Variants in ITPR3 observed in about 807,000 individuals in gnomAD.
ITPR3 encodes the protein inositol 1,4,5-trisphosphate receptor type 3.
Under a neutral mutation model 293.2 loss-of-function variants are expected in ITPR3, and 173 were observed. The ratio of observed to expected loss-of-function variants is 0.59; its 90% CI spans 0.52 to 0.67. The LOEUF (loss-of-function observed/expected upper bound fraction) is 0.67, where lower values mean the gene tolerates loss of function less well. Ranked by LOEUF, ITPR3 falls within the 30% of genes least tolerant of loss-of-function variation. The pLI, the probability that ITPR3 is intolerant of heterozygous loss-of-function variation, is 0.00. For synonymous variants in ITPR3, 1,295 were observed against 1,444.4 expected, an observed-to-expected ratio of 0.90 and a Z score of 2.35; for missense variants, 2,796 against 3,592.1, an observed-to-expected ratio of 0.78 and a Z score of 5.66.
intron 51 of ITPR3, 80 bp from the exon 52 acceptor site, chr6:33,690,837 A>G (rs557030981): frequency 1.5e-6 from 2 of 1,326,462 alleles, no homozygotes; most frequent in Non-Finnish European, 2.1e-6. Context: ...GGCAGCCCTC[A>G]GGGTTCCAGT....
Position 33,684,573 on chromosome 6 carries a change from G to C in ITPR3, c.5047-25G>C, listed in dbSNP as rs1765171441. 6.2e-7 allele frequency: 1 copy of C among 1,612,676 alleles called. No homozygotes were observed. Among genetic ancestry groups the C allele is most frequent in the East Asian group, 2.2e-5 (1 of 44,870 alleles). On this transcript the variant is annotated intron_variant, in intron 37 of 57. Transcript: ENST00000605930. This position sits in a 1 kb window ranked among gnomAD's most constrained non-coding sequence, Gnocchi z 4.2. Reference sequence around the variant, plus strand: ...TCAGTGGTGGGCTGTACCCACAATGGGGCCTCACTCCCATCCTCCCCCAGG... The same window carrying C: ...TCAGTGGTGGGCTGTACCCACAATGCGGCCTCACTCCCATCCTCCCCCAGG...
chr6:33,653,713 G>T (rs557090912), intron 2 of ITPR3, among the ~76,000 whole-genome samples: 1 of 152,316 alleles, frequency 6.6e-6, no homozygotes, highest in African/African-American at 2.4e-5. Context: ...AATCTCTGTG[G>T]TGCAGGCGTC....
Position 33,678,552 on chromosome 6 carries a change from G to T in ITPR3, c.3771+9G>T, listed in dbSNP as rs752143991. The T allele has an allele frequency of 6.2e-7, 1 of 1,600,178 alleles. No homozygotes were observed. Among genetic ancestry groups the T allele is most frequent in the East Asian group, 2.3e-5 (1 of 44,340 alleles). ...TCTTCCTCACGCCAGGGGTGAGGGT[G>T]CAGGGCTGGGAGCACCTGGACGAGG... On this transcript the variant is annotated intron_variant, in intron 29 of 57. Transcript: ENST00000605930.
chr6:33,673,757 G>A (rs770802736), intron 23 of ITPR3, 37 bp downstream of exon 23: 120 of 1,610,574 alleles, frequency 7.5e-5, no homozygotes, highest in Non-Finnish European at 9.0e-5. Flanking sequence ...GAGGCTGTGC[G>A]ACTCTCCCAG....
At chr6:33,668,713 G>C (rs1764679145) in intron 17 of ITPR3, 79 bp downstream of exon 17, 1 of 1,593,890 alleles carries the variant, frequency 6.3e-7, no homozygotes, top group Non-Finnish European at 8.6e-7. Context: ...GCCCTGTCTG[G>C]GTTCAGGCTG....
chr6:33,658,102 C>T lies in ITPR3; in HGVS notation c.369+84C>T, dbSNP rs1764359162. The T allele has an allele frequency of 3.4e-6, 4 of 1,193,744 alleles. No homozygotes were observed. Among genetic ancestry groups the T allele is most frequent in the Non-Finnish European group, 4.9e-6 (4 of 815,672 alleles). The allele number at this position is 1,193,744 out of a possible 1,614,324, so 73.9% of individuals were successfully genotyped here. ...GTGCTGGGTGAGGGCTGCCAGCAGG[C>T]ATTGCCCTCTGTGCATGTGTGTCCC... On this transcript the variant is annotated intron_variant, in intron 4 of 57. Coordinates refer to ENST00000605930, the MANE Select transcript of ITPR3 (RefSeq NM_002224.4). This position sits in a 1 kb window ranked among gnomAD's most constrained non-coding sequence, Gnocchi z 6.1.
Position 33,695,795 on chromosome 6 carries a change from G to T in ITPR3, c.*15G>T, listed in dbSNP as rs771360960. 3.7e-6 allele frequency: 6 copies of T among 1,613,320 alleles called. No homozygotes were observed. Among genetic ancestry groups the T allele is most frequent in the Non-Finnish European group, 5.1e-6 (6 of 1,179,380 alleles). On this transcript the variant is annotated 3_prime_UTR_variant, in exon 58 of 58. Transcript: ENST00000605930. The stretch of plus-strand genomic sequence containing the variant: ...TTAGCCGCTGAGGAGAGCCACCGAA[G>T]GCCCCAACAGGGGATGCTCATCACT...
chr6:33,657,026 G>T (rs1764325304), intron 3 of ITPR3, among the ~76,000 whole-genome samples: 3 of 152,238 alleles, frequency 2.0e-5, no homozygotes, highest in Non-Finnish European at 4.4e-5. Context: ...TGGCCTGGGG[G>T]GAGGGCATTC....
At chr6:33,659,641 G>A in intron 7 of ITPR3, 92 bp downstream of exon 7, 2 of 1,082,206 alleles carry the variant, frequency 1.8e-6, no homozygotes, top group Non-Finnish European at 2.8e-6. Flanking sequence ...CCAGGCCTCA[G>A]GCCCTTACCC....
At position 33,655,477 on chromosome 6, in the gene ITPR3, G is replaced by C. The variant is rs953917753; in HGVS notation, c.161-289G>C. On this transcript the variant is annotated intron_variant, in intron 2 of 57. Coordinates refer to ENST00000605930, the MANE Select transcript of ITPR3 (RefSeq NM_002224.4). The surrounding 1 kb of genome is among the most constrained non-coding windows in gnomAD (Gnocchi z 4.9). ...GGGCACAGACATGGCATAAGGGTGA[G>C]GCCCCAGCAGCCTCTGGTAAATCTC... 2.6e-5 allele frequency among the ~76,000 whole-genome samples: 4 copies of C among 152,172 alleles called. No individual in the cohort carries two copies. Among genetic ancestry groups the C allele is most frequent in the African/African-American group, 9.7e-5 (4 of 41,450 alleles).
rs768879198 is a variant in ITPR3, at chr6:33,667,186, C to T, written c.1609C>T (p.Arg537Trp). The T allele has an allele frequency of 1.5e-5, 24 of 1,614,006 alleles. No individual in the cohort carries two copies. Among genetic ancestry groups the T allele is most frequent in the South Asian group, 2.2e-5 (2 of 91,092 alleles). The change falls in exon 15 of 58, where the codon CGG (arginine) becomes TGG (tryptophan). Residue 537 changes from arginine (R) to tryptophan (W), a missense_variant. By Grantham distance (101) the Arg-to-Trp change is moderately radical (BLOSUM62 -3). Transcript: ENST00000605930. The surrounding 1 kb of genome is among the most constrained non-coding windows in gnomAD (Gnocchi z 4.4). ...REKGGEGPLV[R>W]LEELSDQKNA... The stretch of plus-strand genomic sequence containing the variant: ...GAAGGGGGGTGAAGGTCCCCTGGTG[C>T]GGCTGGAGGAGCTGTCAGACCAGAA...
At position 33,693,577 on chromosome 6, in the gene ITPR3, G is replaced by A. The variant is rs571138950; in HGVS notation, c.7657G>A (p.Val2553Met). 2 of 1,614,194 alleles carry A rather than the reference G, an allele frequency of 1.2e-6. No homozygotes were observed. Among genetic ancestry groups the A allele is most frequent in the South Asian group, 1.1e-5 (1 of 91,088 alleles). ...LERDKFDNKT[V>M]SFEEHIKLEH... The stretch of plus-strand genomic sequence containing the variant: ...GAGGGACAAGTTTGATAACAAGACA[G>A]TGTCATTTGAGGAACACATCAAGCT... The change falls in exon 56 of 58, where the codon GTG (valine) becomes ATG (methionine). Residue 2553 changes from valine to methionine, a missense_variant. Coordinates refer to ENST00000605930, the MANE Select transcript of ITPR3 (RefSeq NM_002224.4).
intron 22 of ITPR3, 121 bp from the exon 23 acceptor site, chr6:33,673,470 C>G: frequency 7.7e-7 from 1 of 1,292,662 alleles, no homozygotes; most frequent in Non-Finnish European, 1.1e-6. Context: ...ACCCTGCTGC[C>G]CCAAGTGCTA....
At position 33,621,501 on chromosome 6, in the gene ITPR3, G is replaced by A; in HGVS notation, c.-102G>A. ...CCGAGCGTCGGGATCCGAGGTGGGA[G>A]CGTACCCCTCCCCGCTCCCCGGACG... On this transcript the variant is annotated 5_prime_UTR_variant, in exon 1 of 58. Coordinates refer to ENST00000605930, the MANE Select transcript of ITPR3 (RefSeq NM_002224.4). The surrounding 1 kb of genome is among the most constrained non-coding windows in gnomAD (Gnocchi z 7.7). The A allele has an allele frequency of 1.3e-6, 1 of 793,170 alleles. No individual in the cohort carries two copies. Among genetic ancestry groups the A allele is most frequent in the Non-Finnish European group, 2.1e-6 (1 of 481,952 alleles). 49.1% of individuals were successfully genotyped at this position (793,170 alleles called of 1,614,324 possible). A position where few individuals can be genotyped will look rare whatever the true frequency, so the allele number is the denominator to read the frequency against.
At chr6:33,636,534 G>A (rs935101848) in intron 1 of ITPR3, among the ~76,000 whole-genome samples, 1 of 151,948 alleles carries the variant, frequency 6.6e-6, no homozygotes, top group Non-Finnish European at 1.5e-5. Flanking sequence ...TAGGTGTGAG[G>A]TGTGAGTGGA....
In ITPR3 at chr6:33,674,246, G is replaced by A; in HGVS notation, c.3097G>A (p.Glu1033Lys). 1 of 1,614,136 alleles carries A rather than the reference G, an allele frequency of 6.2e-7. No homozygotes were observed. Among genetic ancestry groups the A allele is most frequent in the Non-Finnish European group, 8.5e-7 (1 of 1,180,000 alleles). Residue 1033 changes from glutamate to lysine, a missense_variant, in exon 24 of 58, where the codon GAG becomes AAG. Transcript: ENST00000605930. Reference sequence around the variant, plus strand: ...CCTGGATCGCATCGGGGAGCAGGCGGAGGCCATGTTTGGAGTGGGGTGAGG... The same window carrying A: ...CCTGGATCGCATCGGGGAGCAGGCGAAGGCCATGTTTGGAGTGGGGTGAGG... ...MNLDRIGEQA[E>K]AMFGVGKTSS... is the part of the protein sequence containing the mutation.
chr6:33,630,174 G>A (rs1253512294), intron 1 of ITPR3, among the ~76,000 whole-genome samples: 1 of 152,150 alleles, frequency 6.6e-6, no homozygotes, highest in Non-Finnish European at 1.5e-5. Flanking sequence ...ATCTAAAACA[G>A]CGCCCCGCCC....
Position 33,671,427 on chromosome 6 carries a change from C to T in ITPR3, c.2728+121C>T, listed in dbSNP as rs1764762938. ...TTCCCCCCACCCAACCTGGCTCTGCCTCAAGGGGATATCTTGGGCCCAAGC... is the reference window on the plus strand; with the variant it reads ...TTCCCCCCACCCAACCTGGCTCTGCTTCAAGGGGATATCTTGGGCCCAAGC... On this transcript the variant is annotated intron_variant, in intron 21 of 57. Coordinates refer to ENST00000605930, the MANE Select transcript of ITPR3 (RefSeq NM_002224.4). 8 of 704,088 alleles carry T rather than the reference C, an allele frequency of 1.1e-5. No homozygotes were observed. The South Asian group carries it at 1.5e-4, about 13-fold the overall frequency. 43.6% of individuals were successfully genotyped at this position (704,088 alleles called of 1,614,324 possible). A position where few individuals can be genotyped will look rare whatever the true frequency, so the allele number is the denominator to read the frequency against.
At chr6:33,676,055 A>G (rs1263475080) in intron 25 of ITPR3, among the ~76,000 whole-genome samples, 199 bp downstream of exon 25, 1 of 152,264 alleles carries the variant, frequency 6.6e-6, no homozygotes, top group Non-Finnish European at 1.5e-5. Flanking sequence ...TGATGTGGAC[A>G]GCACTTTACA....
Sources: gnomAD v4.1 joint callset for allele counts (sites outside exome capture counted in the v4.1 genomes callset) on GRCh38, gnomAD v4.1.1 for gene constraint, Gnocchi (gnomAD v3.1) non-coding constraint, MANE v1.5 for transcripts, NCBI Gene and HGNC (gene_info 2026-07-23, HGNC 2026-07-21) for gene names.